Variants in FANCC observed in about 807,000 individuals in gnomAD.
FANCC encodes Fanconi anemia group C protein.
Under a neutral mutation model 71.3 loss-of-function variants are expected in FANCC, and 55 were observed. The observed-to-expected ratio is 0.77, with a 90% confidence interval of 0.62 to 0.97. FANCC has a LOEUF of 0.97. FANCC is among the 50% of genes least tolerant of loss of function. The pLI, the probability that FANCC is intolerant of heterozygous loss-of-function variation, is 0.00. For synonymous variants in FANCC, 275 were observed against 244.9 expected (o/e 1.12, Z -1.15); for missense variants, 678 against 670.9 (o/e 1.01, Z -0.12).
chr9:95,226,389 T>C (rs1335811741), intron 4 of FANCC, among the ~76,000 whole-genome samples: 5 of 152,200 alleles, frequency 3.3e-5, no homozygotes, highest in Non-Finnish European at 7.3e-5. Flanking sequence ...GTCCCTGATC[T>C]ATGCTCTAGG....
At chr9:95,194,519 G>A (rs1201891757) in intron 4 of FANCC, among the ~76,000 whole-genome samples, 1 of 152,104 alleles carries the variant, frequency 6.6e-6, no homozygotes, top group Non-Finnish European at 1.5e-5. Flanking sequence ...TTAAGTTCTC[G>A]CTGGCTTTTA....
intron 4 of FANCC, among the ~76,000 whole-genome samples, chr9:95,180,553 G>A (rs1826283604): frequency 6.6e-6 from 1 of 151,328 alleles, no homozygotes; most frequent in Non-Finnish European, 1.5e-5. Context: ...CACTCAGGCT[G>A]GTCTCAAACT....
chr9:95,255,909 C>T (rs1588367705), intron 1 of FANCC, among the ~76,000 whole-genome samples: 1 of 150,870 alleles, frequency 6.6e-6, no homozygotes, highest in African/African-American at 2.4e-5. Context: ...ATAGTTGAAT[C>T]GATCAAGCAG....
At chr9:95,257,740 G>A (rs900358367) in intron 1 of FANCC, among the ~76,000 whole-genome samples, 3 of 152,148 alleles carry the variant, frequency 2.0e-5, no homozygotes, top group African/African-American at 7.2e-5. Flanking sequence ...AATGAATCCA[G>A]GAGCTGGTTT....
intron 4 of FANCC, among the ~76,000 whole-genome samples, chr9:95,181,957 T>C (rs1316378492): frequency 2.6e-5 from 4 of 152,106 alleles, no homozygotes; most frequent in Non-Finnish European, 5.9e-5. Flanking sequence ...TGCTCCCTCG[T>C]GTAACAGGCA....
chr9:95,175,520 T>C (rs1825959203), intron 4 of FANCC, among the ~76,000 whole-genome samples: 1 of 152,182 alleles, frequency 6.6e-6, no homozygotes, highest in South Asian at 2.1e-4. Flanking sequence ...GAGCTGACCA[T>C]AGCCCCAAGA....
intron 7 of FANCC, among the ~76,000 whole-genome samples, chr9:95,136,590 G>A (rs889371023): frequency 5.9e-5 from 9 of 152,100 alleles, no homozygotes; most frequent in Admixed American, 3.9e-4. Flanking sequence ...AGGCTCATGT[G>A]ATCCTCCTGC....
chr9:95,204,592 A>G (rs10739992), intron 4 of FANCC, among the ~76,000 whole-genome samples: 69,597 of 152,054 alleles, frequency 0.46, 16,145 homozygotes, highest in East Asian at 0.58. Context: ...ACACTTAGTC[A>G]TAAGTATATG....
At chr9:95,157,634 G>A (rs1425727536) in intron 6 of FANCC, among the ~76,000 whole-genome samples, 2 of 152,186 alleles carry the variant, frequency 1.3e-5, no homozygotes. Flanking sequence ...AACCAGTCAA[G>A]ACCTAATGCT....
chr9:95,293,432 G>A (rs764134956), intron 1 of FANCC: 103 of 1,574,278 alleles, frequency 6.5e-5, no homozygotes, highest in Non-Finnish European at 7.1e-5. Flanking sequence ...CTCTTAAAGA[G>A]AGCCTACTTC....
At chr9:95,118,740 G>A (rs1277537558) in intron 10 of FANCC, among the ~76,000 whole-genome samples, 1 of 152,202 alleles carries the variant, frequency 6.6e-6, no homozygotes, top group African/African-American at 2.4e-5. Context: ...TTGTGTGCGA[G>A]TAGATCATTC....
At chr9:95,162,667 CTGG>C (rs1458828044) in intron 6 of FANCC, among the ~76,000 whole-genome samples, 1 of 152,102 alleles carries the variant, frequency 6.6e-6, no homozygotes, top group Non-Finnish European at 1.5e-5. Flanking sequence ...TAGGTGTGAA[CTGG>C]TATCTTATTA....
intron 13 of FANCC, chr9:95,110,155 G>T: frequency 5.5e-6 from 4 of 731,758 alleles, no homozygotes; most frequent in African/African-American, 1.9e-5. Context: ...ACTACGCAAG[G>T]GTTTTATTTT....
intron 10 of FANCC, chr9:95,123,765 A>T (rs2134873927): frequency 1.4e-6 from 1 of 699,528 alleles, no homozygotes; most frequent in East Asian, 2.8e-5. Flanking sequence ...ATTCACAGCA[A>T]AGTAGTCAGG....
chr9:95,288,258 A>G (rs918482112), intron 1 of FANCC, among the ~76,000 whole-genome samples: 1 of 152,230 alleles, frequency 6.6e-6, no homozygotes. Flanking sequence ...ATCCAAGTCG[A>G]TCATGTTTGT....
In FANCC at chr9:95,216,768, T is replaced by A. The variant is rs117573607; in HGVS notation, c.345+23881A>T. On this transcript the variant is annotated intron_variant, in intron 4 of 14. Transcript: ENST00000289081. ...GGACTCTCTGCATCTCTCCCATAGG[T>A]CTTCTGGGACCAGAGGAGCAGATAC... Among the ~76,000 whole-genome samples the A allele has an allele frequency of 6.6e-4, 101 of 152,280 alleles. 3 individuals carry two copies. The East Asian group carries it at 0.013, about 20-fold the overall frequency.
intron 4 of FANCC, among the ~76,000 whole-genome samples, chr9:95,203,835 G>A (rs1588276031): frequency 6.6e-6 from 1 of 151,990 alleles, no homozygotes; most frequent in Admixed American, 6.6e-5. Context: ...TATCTGTTGC[G>A]GCATTCAATC....
intron 6 of FANCC, among the ~76,000 whole-genome samples, chr9:95,156,713 CT>C (rs1830476961): frequency 6.6e-6 from 1 of 152,086 alleles, no homozygotes; most frequent in South Asian, 2.1e-4. Flanking sequence ...ATTATAAATT[CT>C]GCCAAGTGTA....
chr9:95,114,762 A>G, intron 11 of FANCC, 52 bp from the exon 12 acceptor site: 1 of 1,501,112 alleles, frequency 6.7e-7, no homozygotes, highest in East Asian at 2.3e-5. Context: ...TGTCAAGCCC[A>G]TGAGGAACCA....
Sources: gnomAD v4.1 joint callset for allele counts (sites outside exome capture counted in the v4.1 genomes callset) on GRCh38, gnomAD v4.1.1 for gene constraint, MANE v1.5 for transcripts, NCBI Gene and HGNC (gene_info 2026-07-23, HGNC 2026-07-21) for gene names.